The following ASAP1 variants were observed in gnomAD, a reference collection of about 807,000 sequenced individuals.
ASAP1 encodes ArfGAP with SH3 domain, ankyrin repeat and PH domain 1.
A neutral mutation model predicts 145.2 loss-of-function variants in ASAP1; 43 were observed. That is an observed-to-expected ratio of 0.30 (90% CI 0.23 to 0.38). The LOEUF is 0.38. ASAP1 is among the 10% of genes least tolerant of loss of function. The pLI is 1.00. For synonymous variants in ASAP1, 546 were observed against 515.5 expected (o/e 1.06, Z -0.80); for missense variants, 1,018 against 1,355.3 (o/e 0.75, Z 3.91).
At chr8:130,404,661 C>T (rs1387625981) in intron 1 of ASAP1, among the ~76,000 whole-genome samples, 3 of 152,342 alleles carry the variant, frequency 2.0e-5, no homozygotes, top group South Asian at 4.1e-4. Context: ...CATGAGTCTT[C>T]CCAGTTCACT....
At chr8:130,056,400 T>C (rs1337306841) in intron 29 of ASAP1, among the ~76,000 whole-genome samples, 2 of 152,200 alleles carry the variant, frequency 1.3e-5, no homozygotes, top group Non-Finnish European at 2.9e-5. Flanking sequence ...TCAACCATGG[T>C]GCTACTGGCA....
At chr8:130,415,223 G>A (rs757668667) in intron 1 of ASAP1, among the ~76,000 whole-genome samples, 1 of 151,360 alleles carries the variant, frequency 6.6e-6, no homozygotes, top group Non-Finnish European at 1.5e-5. Context: ...AAACTACAGG[G>A]TAATTCAGGC....
intron 25 of ASAP1, among the ~76,000 whole-genome samples, chr8:130,080,656 G>A (rs888236146): frequency 1.3e-5 from 2 of 150,904 alleles, no homozygotes; most frequent in African/African-American, 4.9e-5. Context: ...TTTTTGAGAT[G>A]GAGTCTCACT....
chr8:130,197,100 A>G (rs1401752424), intron 5 of ASAP1, among the ~76,000 whole-genome samples: 1 of 152,188 alleles, frequency 6.6e-6, no homozygotes, highest in African/African-American at 2.4e-5. Flanking sequence ...ACCTTCCTGA[A>G]CTAGCCCATG....
chr8:130,130,155 T>C (rs1011328846), intron 15 of ASAP1, among the ~76,000 whole-genome samples: 1 of 152,166 alleles, frequency 6.6e-6, no homozygotes, highest in African/African-American at 2.4e-5. Flanking sequence ...AAATTTGAAA[T>C]CCAAAAAAGT....
At chr8:130,382,785 C>T (rs1159755545) in intron 2 of ASAP1, among the ~76,000 whole-genome samples, 1 of 151,260 alleles carries the variant, frequency 6.6e-6, no homozygotes, top group East Asian at 2.0e-4. Flanking sequence ...GTGGAGGTTG[C>T]AGTGAGCTGA....
In ASAP1 at chr8:130,057,869, T is replaced by C. The variant is rs879625923; in HGVS notation, c.3315+85A>G. 2.6e-6 allele frequency: 4 copies of C among 1,555,568 alleles called. No individual in the cohort carries two copies. In the Admixed American group the frequency reaches 7.1e-5, roughly 28 times the overall value. The stretch of plus-strand genomic sequence containing the variant: ...CTTGTGCTCAAGAGCCCTCTTTTAC[T>C]GCACTGTCTGTAGGCTCCAATGTGG... On this transcript the variant is annotated intron_variant, in intron 29 of 29. Coordinates refer to ENST00000518721, the MANE Select transcript of ASAP1 (RefSeq NM_018482.4).
intron 11 of ASAP1, among the ~76,000 whole-genome samples, chr8:130,164,617 C>T (rs2097676231): frequency 6.6e-6 from 1 of 152,068 alleles, no homozygotes; most frequent in South Asian, 2.1e-4. Context: ...CTACTTCCAA[C>T]TCTAAAAACA....
intron 5 of ASAP1, among the ~76,000 whole-genome samples, chr8:130,196,350 A>C (rs1293280740): frequency 6.6e-6 from 1 of 152,000 alleles, no homozygotes; most frequent in African/African-American, 2.4e-5. Flanking sequence ...CTCAAAAAAA[A>C]AAAAAAAAGT....
intron 1 of ASAP1, among the ~76,000 whole-genome samples, chr8:130,430,339 G>C (rs769195216): frequency 8.5e-5 from 13 of 152,192 alleles, no homozygotes; most frequent in Non-Finnish European, 1.6e-4. Flanking sequence ...GTATGTGTTA[G>C]GATGGCACTT....
chr8:130,070,198 G>A (rs554810944), intron 27 of ASAP1, among the ~76,000 whole-genome samples: 15 of 152,182 alleles, frequency 9.9e-5, no homozygotes, highest in South Asian at 4.2e-4. Flanking sequence ...CACCATGCCC[G>A]GCTAATTTTT....
intron 1 of ASAP1, among the ~76,000 whole-genome samples, chr8:130,418,949 G>A (rs1829602367): frequency 6.6e-6 from 1 of 152,102 alleles, no homozygotes; most frequent in African/African-American, 2.4e-5. Context: ...ATGGGCCACA[G>A]GAATGAGAGG....
In ASAP1 at chr8:130,199,898, T is replaced by C. The variant is rs191609936; in HGVS notation, c.406-11715A>G. ...GAGAGTTAGAAAAGTCCATTCATAA[T>C]TCTTATAACAATTCTCAATTTTTTA... On this transcript the variant is annotated intron_variant, in intron 5 of 29. Coordinates refer to ENST00000518721, the MANE Select transcript of ASAP1 (RefSeq NM_018482.4). Among the ~76,000 whole-genome samples, 52 of 152,374 alleles carry C rather than the reference T, an allele frequency of 3.4e-4. No homozygotes were observed. The East Asian group carries it at 9.3e-3, about 27-fold the overall frequency.
intron 2 of ASAP1, among the ~76,000 whole-genome samples, chr8:130,386,140 C>G (rs1027167309): frequency 5.3e-5 from 8 of 152,160 alleles, no homozygotes; most frequent in Non-Finnish European, 8.8e-5. Flanking sequence ...GGAAACCATA[C>G]TTGGAGAACC....
At chr8:130,271,457 T>C (rs2137076618) in intron 3 of ASAP1, among the ~76,000 whole-genome samples, 1 of 152,346 alleles carries the variant, frequency 6.6e-6, no homozygotes, top group South Asian at 2.1e-4. Flanking sequence ...AAGAAGATTA[T>C]TTACCACCCT....
chr8:130,282,159 T>C (rs1004280877), intron 3 of ASAP1, among the ~76,000 whole-genome samples: 1 of 152,276 alleles, frequency 6.6e-6, no homozygotes, highest in Admixed American at 6.5e-5. Flanking sequence ...CAGTATCTTT[T>C]AATTAGAATC....
chr8:130,347,890 A>G (rs375031418), intron 3 of ASAP1, among the ~76,000 whole-genome samples: 41 of 152,308 alleles, frequency 2.7e-4, no homozygotes, highest in Admixed American at 1.3e-3. Flanking sequence ...AATCCTTCCA[A>G]TAAGTCCCCA....
chr8:130,435,530 C>T (rs1388464062), intron 1 of ASAP1, among the ~76,000 whole-genome samples: 1 of 152,190 alleles, frequency 6.6e-6, no homozygotes, highest in African/African-American at 2.4e-5. Flanking sequence ...TACTAATGTT[C>T]TGTTACAGAT....
intron 3 of ASAP1, among the ~76,000 whole-genome samples, chr8:130,333,717 A>C (rs1258349420): frequency 6.6e-6 from 1 of 152,244 alleles, no homozygotes; most frequent in African/African-American, 2.4e-5. Flanking sequence ...ACAAGTCACA[A>C]CACCAGAAGA....
Sources: gnomAD v4.1 joint callset for allele counts (sites outside exome capture counted in the v4.1 genomes callset) on GRCh38, gnomAD v4.1.1 for gene constraint, MANE v1.5 for transcripts, NCBI Gene and HGNC (gene_info 2026-07-23, HGNC 2026-07-21) for gene names.